The following PRPSAP2 variants were observed in gnomAD, a reference collection of about 807,000 sequenced individuals.
The protein encoded by PRPSAP2 is phosphoribosyl pyrophosphate synthetase associated protein 2.
A neutral mutation model predicts 40.6 loss-of-function variants in PRPSAP2; 24 were observed. The ratio of observed to expected loss-of-function variants is 0.59; its 90% CI spans 0.43 to 0.83. The LOEUF is 0.83. PRPSAP2 is among the 40% of genes least tolerant of loss of function. The pLI is 0.00. For synonymous variants in PRPSAP2, 149 were observed against 164.7 expected (o/e 0.90, Z 0.73); for missense variants, 292 against 465.6 (o/e 0.63, Z 3.43).
At chr17:18,876,598 G>A (rs2038316253) in intron 5 of PRPSAP2, among the ~76,000 whole-genome samples, 1 of 152,194 alleles carries the variant, frequency 6.6e-6, no homozygotes, top group Non-Finnish European at 1.5e-5. Context: ...TGTCCTTGTG[G>A]AGTTTATATT....
intron 8 of PRPSAP2, among the ~76,000 whole-genome samples, chr17:18,900,010 C>T (rs2040167545): frequency 6.6e-6 from 1 of 152,212 alleles, no homozygotes; most frequent in Non-Finnish European, 1.5e-5. Context: ...CCTCAGCCTC[C>T]TGAGGAGCTG....
chr17:18,882,477 C>T, intron 6 of PRPSAP2, 91 bp from the exon 7 acceptor site: 1 of 828,366 alleles, frequency 1.2e-6, no homozygotes, highest in Non-Finnish European at 2.0e-6. Context: ...TGCCACTGCA[C>T]TCCAGCCTGG....
chr17:18,924,933 A>G (rs953688820), intron 10 of PRPSAP2, among the ~76,000 whole-genome samples: 27 of 152,280 alleles, frequency 1.8e-4, no homozygotes, highest in African/African-American at 6.0e-4. Flanking sequence ...CAGCCTGGCC[A>G]ACATGGTGAA....
chr17:18,881,810 G>A (rs896671468), intron 6 of PRPSAP2, among the ~76,000 whole-genome samples: 1 of 151,658 alleles, frequency 6.6e-6, no homozygotes, highest in African/African-American at 2.4e-5. Flanking sequence ...TAGGATTACA[G>A]GCGTGAGCCA....
intron 6 of PRPSAP2, among the ~76,000 whole-genome samples, chr17:18,878,947 GC>G (rs1172153747): frequency 6.6e-6 from 1 of 152,090 alleles, no homozygotes; most frequent in Non-Finnish European, 1.5e-5. Flanking sequence ...TCGGCTCACT[GC>G]AACCACTGTC....
At chr17:18,881,447 A>G (rs1323582036) in intron 6 of PRPSAP2, among the ~76,000 whole-genome samples, 1 of 149,226 alleles carries the variant, frequency 6.7e-6, no homozygotes, top group Non-Finnish European at 1.5e-5. Flanking sequence ...CATGTTGGCC[A>G]GGCTGGTCTC....
At chr17:18,887,102 A>G (rs1266067870) in intron 7 of PRPSAP2, among the ~76,000 whole-genome samples, 1 of 151,156 alleles carries the variant, frequency 6.6e-6, no homozygotes, top group Non-Finnish European at 1.5e-5. Flanking sequence ...ATACCTGGCT[A>G]ATTTTGTATT....
intron 8 of PRPSAP2, among the ~76,000 whole-genome samples, chr17:18,899,977 C>G (rs1033988217): frequency 1.3e-5 from 2 of 152,206 alleles, no homozygotes; most frequent in Non-Finnish European, 2.9e-5. Context: ...ACCTCCGCTC[C>G]CTGGGTTCAA....
intron 4 of PRPSAP2, among the ~76,000 whole-genome samples, chr17:18,867,975 A>G (rs2037551594): frequency 1.3e-5 from 2 of 151,894 alleles, no homozygotes; most frequent in East Asian, 1.9e-4. Context: ...GTCTCTACTA[A>G]AAATACAAAA....
chr17:18,899,958 C>T (rs1286930088), intron 8 of PRPSAP2, among the ~76,000 whole-genome samples: 1 of 152,226 alleles, frequency 6.6e-6, no homozygotes, highest in Non-Finnish European at 1.5e-5. Flanking sequence ...GTTATCACAG[C>T]TCACTGCAAC....
chr17:18,877,677 T>A, intron 5 of PRPSAP2, 21 bp from the exon 6 acceptor site: 1 of 1,592,176 alleles, frequency 6.3e-7, no homozygotes, highest in African/African-American at 1.3e-5. Context: ...CTTGATGAGA[T>A]TTGCTGTGTC....
intron 4 of PRPSAP2, among the ~76,000 whole-genome samples, chr17:18,871,985 C>T (rs977572905): frequency 6.6e-6 from 1 of 152,036 alleles, no homozygotes; most frequent in African/African-American, 2.4e-5. Flanking sequence ...AGATACTGTG[C>T]TCAGGCTGGG....
intron 8 of PRPSAP2, among the ~76,000 whole-genome samples, chr17:18,909,144 G>A (rs992252500): frequency 2.0e-5 from 3 of 151,878 alleles, no homozygotes; most frequent in East Asian, 1.9e-4. Flanking sequence ...ATTACCTACC[G>A]TACCAAGTGT....
chr17:18,861,401 T>A (rs1232949329), intron 1 of PRPSAP2: 2 of 150,548 alleles, frequency 1.3e-5, no homozygotes, highest in African/African-American at 4.9e-5. Context: ...GAGGCGGAGG[T>A]TATAGTGAGC....
chr17:18,924,008 A>G (rs1278574259), intron 10 of PRPSAP2, 24 bp downstream of exon 10: 13 of 1,576,512 alleles, frequency 8.2e-6, no homozygotes, highest in Non-Finnish European at 1.1e-5. Flanking sequence ...TTTTATTATT[A>G]ATTCTAGTAT....
At chr17:18,922,233 A>G (rs530176995) in intron 9 of PRPSAP2, among the ~76,000 whole-genome samples, 3 of 152,294 alleles carry the variant, frequency 2.0e-5, no homozygotes, top group African/African-American at 7.2e-5. Context: ...ACTTTTGGCT[A>G]TGCTGCTCTG....
At chr17:18,871,481 G>C (rs185305420) in intron 4 of PRPSAP2, among the ~76,000 whole-genome samples, 2 of 152,130 alleles carry the variant, frequency 1.3e-5, no homozygotes, top group African/African-American at 4.8e-5. Context: ...AGGTTGTCTT[G>C]TAGAATGTCC....
intron 8 of PRPSAP2, chr17:18,908,789 CA>C (rs35137608): frequency 0.51 from 368,643 of 717,940 alleles, 97,546 homozygotes; most frequent in Middle Eastern, 0.6. Context: ...ACGATCATGC[CA>C]AAAAAAGTGG....
intron 5 of PRPSAP2, among the ~76,000 whole-genome samples, chr17:18,875,185 C>T (rs1436103269): frequency 6.6e-6 from 1 of 152,150 alleles, no homozygotes; most frequent in Non-Finnish European, 1.5e-5. Context: ...CTGACATAAG[C>T]TTGTGTTAAC....
Sources: gnomAD v4.1 joint callset for allele counts (sites outside exome capture counted in the v4.1 genomes callset) on GRCh38, gnomAD v4.1.1 for gene constraint, MANE v1.5 for transcripts, NCBI Gene and HGNC (gene_info 2026-07-23, HGNC 2026-07-21) for gene names.